SORCS2: variants seen among roughly 807,000 people sequenced by gnomAD.
SORCS2 encodes the protein sortilin related VPS10 domain containing receptor 2.
In SORCS2, 100 loss-of-function variants were observed where a neutral mutation model predicts 141.6. The ratio of observed to expected loss-of-function variants is 0.71; its 90% CI spans 0.60 to 0.83. SORCS2 has a LOEUF of 0.83. Among genes scored for constraint, SORCS2 ranks in the 40% least tolerant of loss-of-function variants. The pLI, the probability that SORCS2 is intolerant of heterozygous loss-of-function variation, is 0.00. For synonymous variants in SORCS2, 789 were observed against 676.9 expected (o/e 1.17, Z -2.57); for missense variants, 1,646 against 1,560.2 (o/e 1.05, Z -0.93).
intron 3 of SORCS2, among the ~76,000 whole-genome samples, chr4:7,617,193 T>A (rs942911598): frequency 1.3e-5 from 2 of 152,136 alleles, no homozygotes; most frequent in African/African-American, 4.8e-5. Flanking sequence ...ATCTATATAT[T>A]TATCTATCCA....
At chr4:7,257,698 C>T (rs1014058374) in intron 1 of SORCS2, among the ~76,000 whole-genome samples, 1 of 152,124 alleles carries the variant, frequency 6.6e-6, no homozygotes, top group Non-Finnish European at 1.5e-5. Context: ...GGGAAGCTCC[C>T]GAAAGGTGCC....
chr4:7,724,142 A>G (rs375054589), intron 19 of SORCS2, among the ~76,000 whole-genome samples: 1,350 of 99,266 alleles, frequency 0.014, 19 homozygotes, highest in African/African-American at 0.049. Context: ...GGTGGTGGTG[A>G]TGGTCGTGGT....
chr4:7,478,005 T>C (rs1207742048), intron 2 of SORCS2, among the ~76,000 whole-genome samples: 3 of 152,198 alleles, frequency 2.0e-5, no homozygotes, highest in Non-Finnish European at 4.4e-5. Context: ...TTCCTGCTTC[T>C]AGGCTGCTGG....
chr4:7,564,896 C>T (rs771557281), intron 3 of SORCS2, among the ~76,000 whole-genome samples: 3 of 152,194 alleles, frequency 2.0e-5, no homozygotes, highest in Admixed American at 6.5e-5. Context: ...CCTTAGTTAC[C>T]TGTATCAACA....
At chr4:7,688,890 C>T (rs563949059) in intron 10 of SORCS2, among the ~76,000 whole-genome samples, 54 of 152,280 alleles carry the variant, frequency 3.5e-4, no homozygotes, top group African/African-American at 1.3e-3. Flanking sequence ...GAGACAACCC[C>T]CTGGAGCTCT....
intron 2 of SORCS2, among the ~76,000 whole-genome samples, chr4:7,418,224 C>G (rs537809224): frequency 1.3e-5 from 2 of 152,322 alleles, no homozygotes; most frequent in South Asian, 4.1e-4. Context: ...CAGCCTCTGT[C>G]CCCATGGGGC....
chr4:7,738,344 G>A (rs115289630), intron 26 of SORCS2, among the ~76,000 whole-genome samples: 2,146 of 152,328 alleles, frequency 0.014, 54 homozygotes, highest in African/African-American at 0.05. Context: ...CTCAGCAGCC[G>A]AGGAGGCAGG....
intron 2 of SORCS2, among the ~76,000 whole-genome samples, chr4:7,420,619 G>A (rs988983770): frequency 2.6e-5 from 4 of 152,088 alleles, no homozygotes; most frequent in African/African-American, 7.2e-5. Context: ...TGGAGGGGCT[G>A]CACACCTTGC....
At chr4:7,398,058 A>T (rs942083349) in intron 2 of SORCS2, among the ~76,000 whole-genome samples, 1 of 152,154 alleles carries the variant, frequency 6.6e-6, no homozygotes, top group African/African-American at 2.4e-5. Context: ...AGACTGTGTG[A>T]AGTGTCTTCT....
intron 11 of SORCS2, 27 bp downstream of exon 11, chr4:7,689,615 G>C: frequency 6.4e-7 from 1 of 1,552,652 alleles, no homozygotes; most frequent in Non-Finnish European, 8.7e-7. Flanking sequence ...ACAGGTGGCT[G>C]GCAGGTGCCA....
At position 7,715,294 on chromosome 4, in the gene SORCS2, C is replaced by T; in HGVS notation, c.2235C>T (p.Thr745=). The T allele has an allele frequency of 1.2e-6, 2 of 1,614,008 alleles. No homozygotes were observed. The highest frequency in any genetic ancestry group is 1.7e-6 in the Non-Finnish European group (2 of 1,179,882). The part of the protein sequence containing the change: ...SPPDDCALGQ[T]YTSSLGYRKV... ...CTGACGACTGTGCCCTGGGCCAGAC[C>T]TACACCAGCAGCCTTGGGTGAGTGT... Residue 745 remains threonine (T), a synonymous_variant, in exon 17 of 27, where the codon ACC becomes ACT. Coordinates refer to ENST00000507866, the MANE Select transcript of SORCS2 (RefSeq NM_020777.3).
intron 2 of SORCS2, among the ~76,000 whole-genome samples, chr4:7,457,496 T>C (rs1486176297): frequency 6.6e-6 from 1 of 151,092 alleles, no homozygotes; most frequent in African/African-American, 2.5e-5. Flanking sequence ...CTGACAGGTG[T>C]GAGCCGCAGC....
chr4:7,569,498 A>G (rs1036529990), intron 3 of SORCS2, among the ~76,000 whole-genome samples: 2 of 152,192 alleles, frequency 1.3e-5, no homozygotes, highest in African/African-American at 4.8e-5. Context: ...GGGGACAGAC[A>G]GGGCAAGACT....
chr4:7,392,940 T>C (rs1000100351), intron 1 of SORCS2, among the ~76,000 whole-genome samples: 9 of 151,564 alleles, frequency 5.9e-5, no homozygotes, highest in Non-Finnish European at 1.2e-4. Flanking sequence ...GAGTCGATGC[T>C]TGTCACAGGC....
chr4:7,643,070 GC>G (rs1720848398), intron 4 of SORCS2, among the ~76,000 whole-genome samples: 1 of 151,986 alleles, frequency 6.6e-6, no homozygotes, highest in South Asian at 2.1e-4. Flanking sequence ...CTTCCCATAC[GC>G]CCGCCCTGCC....
At chr4:7,617,296 T>C (rs1409913407) in intron 3 of SORCS2, among the ~76,000 whole-genome samples, 1 of 152,060 alleles carries the variant, frequency 6.6e-6, no homozygotes, top group Non-Finnish European at 1.5e-5. Context: ...CACCCACCTA[T>C]CCATGTGCCA....
chr4:7,355,420 C>T (rs954368868), intron 1 of SORCS2, among the ~76,000 whole-genome samples: 2 of 152,198 alleles, frequency 1.3e-5, no homozygotes, highest in Non-Finnish European at 2.9e-5. Context: ...AAAATCCCCC[C>T]AAAGTTAATG....
intron 2 of SORCS2, among the ~76,000 whole-genome samples, chr4:7,499,726 C>G (rs1731843920): frequency 6.7e-6 from 1 of 149,938 alleles, no homozygotes; most frequent in Admixed American, 6.7e-5. Flanking sequence ...TCTCGTCTGC[C>G]TTCCTCGCTC....
intron 2 of SORCS2, among the ~76,000 whole-genome samples, chr4:7,399,359 G>C (rs189737460): frequency 6.6e-6 from 1 of 152,256 alleles, no homozygotes; most frequent in East Asian, 1.9e-4. Flanking sequence ...AATGTGCACT[G>C]AGTCTCCTAA....
Sources: allele counts gnomAD v4.1 joint callset (sites outside exome capture counted in the v4.1 genomes callset), GRCh38; gene constraint gnomAD v4.1.1; transcripts MANE v1.5; gene names NCBI Gene and HGNC (gene_info 2026-07-23, HGNC 2026-07-21).